Variants in ARHGAP8 observed in about 807,000 individuals in gnomAD.
ARHGAP8 encodes the protein Rho GTPase activating protein 8.
Under a neutral mutation model 46.1 loss-of-function variants are expected in ARHGAP8, and 62 were observed. The ratio of observed to expected loss-of-function variants is 1.34; its 90% CI spans 1.10 to 1.66. ARHGAP8 has a LOEUF of 1.66. Among genes scored for constraint, ARHGAP8 ranks in the 40% most tolerant of loss-of-function variants. ARHGAP8 has a pLI of 0.00. For missense variants in ARHGAP8, 923 were observed against 568.4 expected, an observed-to-expected ratio of 1.62 and a Z score of -6.34; for synonymous variants, 375 against 243.1, an observed-to-expected ratio of 1.54 and a Z score of -5.05.
intron 4 of ARHGAP8, among the ~76,000 whole-genome samples, chr22:44,811,916 G>A (rs1293286595): frequency 6.6e-6 from 1 of 151,084 alleles, no homozygotes; most frequent in Non-Finnish European, 1.5e-5. Flanking sequence ...AGAATCCCTT[G>A]AACCTGGGAG....
intron 1 of ARHGAP8, among the ~76,000 whole-genome samples, chr22:44,761,950 G>C (rs1925163473): frequency 6.6e-6 from 1 of 152,216 alleles, no homozygotes; most frequent in South Asian, 2.1e-4. Flanking sequence ...ACTACCATGA[G>C]AACAGTGTGG....
intron 10 of ARHGAP8, chr22:44,850,280 A>G (rs140817366): frequency 1.3e-5 from 2 of 152,368 alleles, no homozygotes; most frequent in East Asian, 3.9e-4. Flanking sequence ...TTGAGGGCTG[A>G]CTGACTTTGG....
At chr22:44,842,576 G>A (rs1053997978) in intron 7 of ARHGAP8, among the ~76,000 whole-genome samples, 2 of 152,184 alleles carry the variant, frequency 1.3e-5, no homozygotes, top group African/African-American at 4.8e-5. Context: ...AGGCAGGTGG[G>A]GCTGGTGGCG....
At chr22:44,855,797 G>C (rs2070205843) in intron 10 of ARHGAP8, among the ~76,000 whole-genome samples, 1 of 152,202 alleles carries the variant, frequency 6.6e-6, no homozygotes, top group Non-Finnish European at 1.5e-5. Flanking sequence ...GTGATGGCTG[G>C]TAGGATGTCA....
intron 10 of ARHGAP8, among the ~76,000 whole-genome samples, chr22:44,851,961 T>C (rs897326191): frequency 2.0e-5 from 3 of 151,802 alleles, no homozygotes; most frequent in Non-Finnish European, 4.4e-5. Context: ...GAAGCCAAGG[T>C]GGGTGGATCA....
intron 11 of ARHGAP8, 23 bp downstream of exon 11, chr22:44,859,857 TGG>T (rs2070381757): frequency 6.2e-7 from 1 of 1,610,200 alleles, no homozygotes; most frequent in African/African-American, 1.3e-5. Context: ...GGGGGGAGCT[TGG>T]GGTGAAGCCC....
chr22:44,804,181 C>G (rs989460782), intron 3 of ARHGAP8, among the ~76,000 whole-genome samples: 2 of 152,174 alleles, frequency 1.3e-5, no homozygotes, highest in Admixed American at 1.3e-4. Flanking sequence ...CTGTTCCTCA[C>G]CTGTGTATGG....
Position 44,802,108 on chromosome 22 carries a change from G to C in ARHGAP8, c.111G>C (p.Thr37=). 6.2e-7 allele frequency: 1 copy of C among 1,614,140 alleles called. No individual in the cohort carries two copies. The highest frequency in any genetic ancestry group is 8.5e-7 in the Non-Finnish European group (1 of 1,179,986). The part of the protein sequence containing the change: ...GDDRFGRRVV[T]FSCCRMPPSH... ...ACCGCTTTGGAAGACGTGTTGTCAC[G>C]TTCAGCTGCTGCCGGATGCCACCCT... Residue 37 remains threonine, a synonymous_variant, in exon 3 of 12, where the codon ACG becomes ACC. Transcript: ENST00000356099.
chr22:44,862,779 G>C lies in ARHGAP8; in HGVS notation c.*184G>C, dbSNP rs1601543353. The C allele has an allele frequency of 5.8e-6, 4 of 688,256 alleles. No homozygotes were observed. Among genetic ancestry groups the C allele is most frequent in the African/African-American group, 5.3e-5 (3 of 56,546 alleles). The allele number at this position is 688,256 out of a possible 1,614,324, so 42.6% of individuals were successfully genotyped here. ...GGTTCCTGAGCTGTGGACCGGGATA[G>C]AATAATGCATTTGTTAGGATGGATG... On this transcript the variant is annotated 3_prime_UTR_variant, in exon 12 of 12. Coordinates refer to ENST00000356099, the MANE Select transcript of ARHGAP8 (RefSeq NM_181335.3).
rs1327609764 is a variant in ARHGAP8, at chr22:44,790,798, T to G, written c.79+4192T>G. Among the ~76,000 whole-genome samples the G allele has an allele frequency of 2.0e-5, 3 of 148,694 alleles. No homozygotes were observed. The East Asian group carries it at 6.3e-4, about 31-fold the overall frequency. The stretch of plus-strand genomic sequence containing the variant: ...CCCAGGCTGGAGTGCAGTGGCATGA[T>G]CTTGGCTCACTGCAATGTCCGCCTC... On this transcript the variant is annotated intron_variant, in intron 2 of 11. Transcript: ENST00000356099.
At chr22:44,846,068 C>G (rs1447372551) in intron 8 of ARHGAP8, among the ~76,000 whole-genome samples, 1 of 151,692 alleles carries the variant, frequency 6.6e-6, no homozygotes. Context: ...CTCCAGAGCT[C>G]GGCTCAACAG....
At chr22:44,778,671 G>T (rs132483) in intron 1 of ARHGAP8, among the ~76,000 whole-genome samples, 102,591 of 151,958 alleles carry the variant, frequency 0.68, 35,610 homozygotes, top group Non-Finnish European at 0.76. Context: ...CCTGTTCACC[G>T]CAGCCACGCC....
chr22:44,798,529 G>GT (rs55701477), intron 2 of ARHGAP8, among the ~76,000 whole-genome samples: 58 of 130,022 alleles, frequency 4.5e-4, no homozygotes, highest in African/African-American at 1.4e-3. Flanking sequence ...GGGGACTTGC[G>GT]TTTTTTTTTT....
intron 7 of ARHGAP8, among the ~76,000 whole-genome samples, chr22:44,845,056 T>A (rs1474223350): frequency 2.6e-5 from 4 of 152,184 alleles, no homozygotes; most frequent in Non-Finnish European, 5.9e-5. Flanking sequence ...ATCATAAATA[T>A]CCCTTTCATG....
Position 44,825,551 on chromosome 22 carries a change from G to A in ARHGAP8, c.554G>A (p.Arg185Gln), listed in dbSNP as rs755347776. ...CCTCCCACCAAGACACCACCGCCGCGGCCCCCGCTGCCCACACAGCAGTTT... is the reference window on the plus strand; with the variant it reads ...CCTCCCACCAAGACACCACCGCCGCAGCCCCCGCTGCCCACACAGCAGTTT... The part of the protein sequence containing the change: ...TPPPTKTPPP[R>Q]PPLPTQQFGV... Residue 185 changes from arginine to glutamine, a missense_variant, in exon 7 of 12, where the codon CGG (arginine) becomes CAG (glutamine). Physicochemically the swap from Arg to Gln is conservative, Grantham distance 43. Transcript: ENST00000356099. 2.9e-5 allele frequency: 47 copies of A among 1,612,944 alleles called. No homozygotes were observed. In the South Asian group the frequency reaches 3.3e-4, roughly 11 times the overall value.
chr22:44,839,607 G>A (rs1221653498), intron 7 of ARHGAP8, among the ~76,000 whole-genome samples: 1 of 152,140 alleles, frequency 6.6e-6, no homozygotes, highest in African/African-American at 2.4e-5. Context: ...CTCAATTGTG[G>A]GACCTTGAGC....
At chr22:44,859,944 T>G in intron 11 of ARHGAP8, 110 bp downstream of exon 11, 1 of 1,306,916 alleles carries the variant, frequency 7.7e-7, no homozygotes. Context: ...CATGCCCTGC[T>G]TGGGCCTCGG....
chr22:44,808,822 A>C (rs1185896791), intron 4 of ARHGAP8: 62 of 307,610 alleles, frequency 2.0e-4, no homozygotes, highest in African/African-American at 1.5e-3. Flanking sequence ...AAAAAAAAAA[A>C]CCAAAAACAA....
intron 8 of ARHGAP8, 28 bp downstream of exon 8, chr22:44,845,370 G>A (rs768183510): frequency 6.2e-7 from 1 of 1,613,708 alleles, no homozygotes. Context: ...CCAGCTGGAT[G>A]ACGTGAGGGC....
Sources: allele counts gnomAD v4.1 joint callset (sites outside exome capture counted in the v4.1 genomes callset), GRCh38; gene constraint gnomAD v4.1.1; transcripts MANE v1.5; gene names NCBI Gene and HGNC (gene_info 2026-07-23, HGNC 2026-07-21).